The following CNTN4 variants were observed in gnomAD, a reference collection of about 807,000 sequenced individuals.
CNTN4 encodes contactin-4.
In CNTN4, 77 loss-of-function variants were observed where a neutral mutation model predicts 122.5. The observed-to-expected ratio is 0.63, with a 90% CI of 0.52 to 0.76. The LOEUF is 0.76. Ranked by LOEUF, CNTN4 falls within the 30% of genes least tolerant of loss-of-function variation. CNTN4 has a pLI of 0.00. For missense variants in CNTN4, 1,256 were observed against 1,259.1 expected (o/e 1.00, Z 0.04); for synonymous variants, 512 against 447.0 (o/e 1.15, Z -1.83).
chr3:2,970,597 T>C (rs1692807292), intron 13 of CNTN4, among the ~76,000 whole-genome samples: 2 of 151,458 alleles, frequency 1.3e-5, no homozygotes, highest in Admixed American at 1.3e-4. Context: ...CAGGCGCACA[T>C]CACTACACCT....
At chr3:2,444,954 C>T (rs1052270332) in intron 3 of CNTN4, among the ~76,000 whole-genome samples, 6 of 151,824 alleles carry the variant, frequency 4.0e-5, no homozygotes, top group African/African-American at 1.5e-4. Context: ...TTTCCTACCT[C>T]ACATGCCTGA....
intron 4 of CNTN4, among the ~76,000 whole-genome samples, chr3:2,714,577 C>G (rs1254320939): frequency 1.3e-5 from 2 of 152,076 alleles, no homozygotes; most frequent in African/African-American, 4.8e-5. Flanking sequence ...CCAAACCAAA[C>G]AAGTACTCAG....
At chr3:2,635,031 G>T (rs1559331017) in intron 4 of CNTN4, among the ~76,000 whole-genome samples, 1 of 152,126 alleles carries the variant, frequency 6.6e-6, no homozygotes, top group Non-Finnish European at 1.5e-5. Context: ...ATATAGATCA[G>T]CAAGACAGAT....
At chr3:2,607,179 C>T (rs185040192) in intron 4 of CNTN4, among the ~76,000 whole-genome samples, 113 of 152,160 alleles carry the variant, frequency 7.4e-4, no homozygotes, top group African/African-American at 2.5e-3. Flanking sequence ...GAAACTGTCA[C>T]GTGAATAAAG....
chr3:2,477,988 G>A (rs1241327077), intron 3 of CNTN4, among the ~76,000 whole-genome samples: 1 of 152,154 alleles, frequency 6.6e-6, no homozygotes, highest in African/African-American at 2.4e-5. Context: ...CTTGGGCATT[G>A]ATACAGAGGA....
intron 3 of CNTN4, among the ~76,000 whole-genome samples, chr3:2,380,994 T>A (rs1200733201): frequency 6.6e-6 from 1 of 151,918 alleles, no homozygotes; most frequent in Non-Finnish European, 1.5e-5. Context: ...TCTTTTGTTT[T>A]GTTTTGTTTT....
intron 2 of CNTN4, among the ~76,000 whole-genome samples, chr3:2,209,973 A>G (rs940735397): frequency 3.3e-5 from 5 of 152,002 alleles, no homozygotes; most frequent in African/African-American, 9.7e-5. Context: ...TTTATTTTGT[A>G]CTGGTATTAT....
At chr3:3,017,135 T>A (rs757715648) in intron 14 of CNTN4, among the ~76,000 whole-genome samples, 1 of 152,218 alleles carries the variant, frequency 6.6e-6, no homozygotes, top group East Asian at 1.9e-4. Context: ...AATACACTTA[T>A]TGTTCTTTTT....
chr3:2,307,284 A>C (rs891229079), intron 2 of CNTN4, among the ~76,000 whole-genome samples: 2 of 151,984 alleles, frequency 1.3e-5, no homozygotes, highest in African/African-American at 4.8e-5. Context: ...AAATACAAAA[A>C]TGTAGCCGGG....
At chr3:2,531,457 C>G (rs1224381092) in intron 3 of CNTN4, among the ~76,000 whole-genome samples, 2 of 152,160 alleles carry the variant, frequency 1.3e-5, no homozygotes, top group Admixed American at 6.6e-5. Context: ...TGCCTTCAAC[C>G]AGGGAGGCAG....
chr3:2,594,287 A>C (rs1345018655), intron 4 of CNTN4, among the ~76,000 whole-genome samples: 1 of 152,314 alleles, frequency 6.6e-6, no homozygotes. Flanking sequence ...CCAATTCTAT[A>C]CACAAAGTAC....
intron 2 of CNTN4, among the ~76,000 whole-genome samples, chr3:2,320,887 T>C (rs1256812634): frequency 1.3e-5 from 2 of 152,144 alleles, no homozygotes; most frequent in Non-Finnish European, 2.9e-5. Flanking sequence ...AAACAACAGT[T>C]ATAATTAGGA....
chr3:2,518,113 G>A (rs975951439), intron 3 of CNTN4, among the ~76,000 whole-genome samples: 10 of 151,692 alleles, frequency 6.6e-5, no homozygotes, highest in African/African-American at 2.4e-4. Flanking sequence ...ACCTTTTGTG[G>A]CATGTGAGTA....
chr3:2,615,133 A>G (rs13064095), intron 4 of CNTN4, among the ~76,000 whole-genome samples: 14,313 of 152,218 alleles, frequency 0.094, 884 homozygotes, highest in Non-Finnish European at 0.13. Context: ...GTTTTGGGTT[A>G]GCAATAAAAT....
At chr3:2,962,861 T>A (rs1357082065) in intron 13 of CNTN4, among the ~76,000 whole-genome samples, 5 of 152,246 alleles carry the variant, frequency 3.3e-5, no homozygotes. Context: ...TCATGTGAAG[T>A]GGCTTTGAGT....
chr3:2,844,267 C>T (rs755863865), intron 7 of CNTN4, among the ~76,000 whole-genome samples: 5 of 152,166 alleles, frequency 3.3e-5, no homozygotes, highest in Non-Finnish European at 7.3e-5. Flanking sequence ...GCATGTAGTA[C>T]TGTGTGACAT....
intron 4 of CNTN4, among the ~76,000 whole-genome samples, chr3:2,667,093 G>T (rs992916744): frequency 1.4e-4 from 22 of 152,058 alleles, no homozygotes; most frequent in South Asian, 4.2e-4. Flanking sequence ...TATAATCCTT[G>T]GGGTATATAC....
intron 2 of CNTN4, among the ~76,000 whole-genome samples, chr3:2,338,636 T>C (rs1456395974): frequency 6.6e-6 from 1 of 151,806 alleles, no homozygotes; most frequent in African/African-American, 2.4e-5. Context: ...AAAATAAATT[T>C]AGTTCTTCAG....
At chr3:2,645,469 A>C (rs552784211) in intron 4 of CNTN4, among the ~76,000 whole-genome samples, 1 of 152,314 alleles carries the variant, frequency 6.6e-6, no homozygotes, top group African/African-American at 2.4e-5. Context: ...TCATGCTGTT[A>C]AAGCAAATTG....
Sources: gnomAD v4.1 joint callset for allele counts (sites outside exome capture counted in the v4.1 genomes callset) on GRCh38, gnomAD v4.1.1 for gene constraint, MANE v1.5 for transcripts, NCBI Gene and HGNC (gene_info 2026-07-23, HGNC 2026-07-21) for gene names.